AHNAK: variants seen among roughly 807,000 people sequenced by gnomAD.
The protein encoded by AHNAK is neuroblast differentiation-associated protein AHNAK.
Under a neutral mutation model 37.8 loss-of-function variants are expected in AHNAK, and 23 were observed. That is an observed-to-expected ratio of 0.61 (90% CI 0.44 to 0.86). The LOEUF (loss-of-function observed/expected upper bound fraction) is 0.86. Ranked by LOEUF, AHNAK falls within the 40% of genes least tolerant of loss-of-function variation. AHNAK has a pLI of 0.00. For missense variants in AHNAK, 7,411 were observed against 7,319.4 expected (o/e 1.01, Z -0.46); for synonymous variants, 2,481 against 2,636.3 (o/e 0.94, Z 1.80).
chr11:62,528,844 G>A lies in AHNAK; in HGVS notation c.5573C>T (p.Pro1858Leu). The part of the protein sequence containing the change: ...MHFKAPKISM[P>L]DVDLHLKGPK... ...GCCTTTCAGGTGTAAGTCCACATCA[G>A]GCATGGAGATCTTGGGGGCCTTGAA... Residue 1858 changes from proline to leucine, a missense_variant, in exon 5 of 5, where the codon CCT becomes CTT. Coordinates refer to ENST00000378024, the MANE Select transcript of AHNAK (RefSeq NM_001620.3). The A allele has an allele frequency of 6.2e-7, 1 of 1,613,106 alleles. No homozygotes were observed. Among genetic ancestry groups the A allele is most frequent in the Non-Finnish European group, 8.5e-7 (1 of 1,179,766 alleles).
rs749984738 is a variant in AHNAK at position 62,528,811 on chromosome 11, A to T, written c.5606T>A (p.Val1869Asp). ...DVDLHLKGPK[V>D]KGDADVSVPK... is the part of the protein sequence containing the mutation. ...CACCGACACATCCGCATCCCCTTTG[A>T]CTTTGGGGCCTTTCAGGTGTAAGTC... Residue 1869 changes from valine to aspartate, a missense_variant, in exon 5 of 5, where the codon GTC becomes GAC. Val to Asp is a radical substitution (Grantham distance 152, BLOSUM62 -3). Transcript: ENST00000378024. The T allele has an allele frequency of 7.4e-6, 12 of 1,611,414 alleles. No homozygotes were observed. The highest frequency in any genetic ancestry group is 1.7e-5 in the Admixed American group (1 of 59,532).
chr11:62,484,523 A>G (rs1019667089), intron 5 of AHNAK, among the ~76,000 whole-genome samples: 5 of 152,200 alleles, frequency 3.3e-5, no homozygotes, highest in African/African-American at 1.2e-4. Flanking sequence ...GGGGAAGAAC[A>G]TTCCAAGCAT....
intron 5 of AHNAK, among the ~76,000 whole-genome samples, chr11:62,435,556 G>A (rs1404690023): frequency 5.9e-5 from 9 of 152,102 alleles, no homozygotes; most frequent in African/African-American, 2.2e-4. Flanking sequence ...GGGACTACAG[G>A]CGCCCGTCAC....
At chr11:62,466,180 A>C (rs1938908561) in intron 5 of AHNAK, among the ~76,000 whole-genome samples, 1 of 151,898 alleles carries the variant, frequency 6.6e-6, no homozygotes, top group East Asian at 1.9e-4. Context: ...ATTAGCTAAG[A>C]ATGGTGGCAC....
rs1325633285 is a variant in AHNAK, at chr11:62,520,625, C to A, written c.13792G>T (p.Val4598Phe). Reference sequence around the variant, plus strand: ...TTTGGACCTTTCAGATTCAGGTCAACTTCAGGCATAGAGATCTTCGGTGCC... The same window carrying A: ...TTTGGACCTTTCAGATTCAGGTCAAATTCAGGCATAGAGATCTTCGGTGCC... ...LKAPKISMPE[V>F]DLNLKGPKVK... Residue 4598 changes from valine (V) to phenylalanine (F), a missense_variant, in exon 5 of 5, where the codon GTT becomes TTT. Physicochemically the swap from Val to Phe is conservative, Grantham distance 50. Coordinates refer to ENST00000378024, the MANE Select transcript of AHNAK (RefSeq NM_001620.3). The A allele has an allele frequency of 6.2e-7, 1 of 1,613,982 alleles. No homozygotes were observed. Among genetic ancestry groups the A allele is most frequent in the Non-Finnish European group, 8.5e-7 (1 of 1,179,992 alleles).
chr11:62,465,362 C>G (rs146691969), intron 5 of AHNAK, among the ~76,000 whole-genome samples: 2 of 152,186 alleles, frequency 1.3e-5, no homozygotes, highest in Admixed American at 1.3e-4. Context: ...CGCCTGTAAT[C>G]CCAGCACTTT....
At chr11:62,536,959 A>ATT (rs112312117) in intron 1 of AHNAK, among the ~76,000 whole-genome samples, 2 of 144,818 alleles carry the variant, frequency 1.4e-5, no homozygotes, top group Non-Finnish European at 1.5e-5. Flanking sequence ...TATTTTATTT[A>ATT]TTTTTTTTTT....
At chr11:62,434,282 A>G (rs954452906) in intron 5 of AHNAK, among the ~76,000 whole-genome samples, 4 of 152,092 alleles carry the variant, frequency 2.6e-5, no homozygotes, top group South Asian at 2.1e-4. Context: ...GCCATTAAGA[A>G]ATCCCTTTCA....
At position 62,520,726 on chromosome 11, in the gene AHNAK, G is replaced by A; in HGVS notation, c.13691C>T (p.Thr4564Ile). Residue 4564 changes from threonine to isoleucine, a missense_variant, in exon 5 of 5, where the codon ACT becomes ATT. Transcript: ENST00000378024. The part of the protein sequence containing the change: ...DVKGPKVGID[T>I]PDIDIHGPEG... ...TGGACCATGAATGTCAATATCAGGA[G>A]TGTCAATGCCCACTTTAGGGCCTTT... 1 of 1,614,134 alleles carries A rather than the reference G, an allele frequency of 6.2e-7. No homozygotes were observed. Among genetic ancestry groups the A allele is most frequent in the Non-Finnish European group, 8.5e-7 (1 of 1,180,026 alleles).
chr11:62,531,836 T>C lies in AHNAK; in HGVS notation c.2581A>G (p.Ile861Val). ...TGAACCTCCACATCTGGGACATCAA[T>C]GTCCATTTTGGCACTTTTAAGTTCA... Reference protein sequence around the residue: ...DVELKSAKMDIDVPDVEVQGP... With the variant: ...DVELKSAKMDVDVPDVEVQGP... The change falls in exon 5 of 5, where the codon ATT (isoleucine) becomes GTT (valine). Residue 861 changes from isoleucine to valine, a missense_variant. Coordinates refer to ENST00000378024, the MANE Select transcript of AHNAK (RefSeq NM_001620.3). The C allele has an allele frequency of 1.2e-6, 2 of 1,613,730 alleles. No homozygotes were observed. Among genetic ancestry groups the C allele is most frequent in the Non-Finnish European group, 1.7e-6 (2 of 1,179,946 alleles).
chr11:62,528,885 C>T lies in AHNAK; in HGVS notation c.5532G>A (p.Lys1844=), dbSNP rs1045545452. ...GGGCCTTGAAGTGCATCTCAGGCAT[C>T]TTAAACTTGGGCCCTTTCAACTTTG... is the stretch of plus-strand genomic sequence containing the variant. ...PDAKLKGPKF[K]MPEMHFKAPK... The change falls in exon 5 of 5, where the codon AAG becomes AAA. Residue 1844 remains lysine (K), a synonymous_variant. Coordinates refer to ENST00000378024, the MANE Select transcript of AHNAK (RefSeq NM_001620.3). 3.1e-6 allele frequency: 5 copies of T among 1,613,922 alleles called. No homozygotes were observed. Among genetic ancestry groups the T allele is most frequent in the Non-Finnish European group, 4.2e-6 (5 of 1,180,014 alleles).
chr11:62,435,875 A>G (rs1938158128), intron 5 of AHNAK, among the ~76,000 whole-genome samples: 1 of 152,076 alleles, frequency 6.6e-6, no homozygotes, highest in African/African-American at 2.4e-5. Context: ...CTTTTATTGC[A>G]CACTTGCTAT....
chr11:62,544,152 C>G (rs1167723308), intron 1 of AHNAK, among the ~76,000 whole-genome samples: 2 of 152,266 alleles, frequency 1.3e-5, no homozygotes, highest in African/African-American at 2.4e-5. Flanking sequence ...AAGAATCCAG[C>G]CTGGCAGCAC....
chr11:62,527,715 A>G lies in AHNAK; in HGVS notation c.6702T>C (p.Val2234=). 6.2e-7 allele frequency: 1 copy of G among 1,614,032 alleles called. No individual in the cohort carries two copies. The highest frequency in any genetic ancestry group is 8.5e-7 in the Non-Finnish European group (1 of 1,180,002). ...TCTTCAGGTGCCAGTCTGGGCCATGAACATCCACATCTGGGGCATCAATGT... is the reference window on the plus strand; with the variant it reads ...TCTTCAGGTGCCAGTCTGGGCCATGGACATCCACATCTGGGGCATCAATGT... ...KVDIDAPDVD[V]HGPDWHLKMP... Residue 2234 remains valine, a synonymous_variant, in exon 5 of 5, where the codon GTT becomes GTC. Transcript: ENST00000378024.
chr11:62,458,192 A>G (rs1938709003), intron 5 of AHNAK, among the ~76,000 whole-genome samples: 1 of 152,178 alleles, frequency 6.6e-6, no homozygotes, highest in South Asian at 2.1e-4. Context: ...TGCTGGGATT[A>G]TAGGCGTGAG....
At chr11:62,515,894 A>C (rs750158447), downstream of AHNAK, 22 of 1,134,268 alleles carry the variant, frequency 1.9e-5, no homozygotes, top group Non-Finnish European at 2.4e-5. Context: ...ATGCAAAGGC[A>C]CAAGACATCA....
intron 5 of AHNAK, among the ~76,000 whole-genome samples, chr11:62,457,976 C>T (rs902076180): frequency 8.8e-5 from 13 of 148,244 alleles, no homozygotes; most frequent in East Asian, 6.1e-4. Context: ...CGCAGTGGCG[C>T]GATCTCAGCT....
In AHNAK at chr11:62,529,928, G is replaced by A. The variant is rs1334293071; in HGVS notation, c.4489C>T (p.Pro1497Ser). 3 of 1,612,722 alleles carry A rather than the reference G, an allele frequency of 1.9e-6. No individual in the cohort carries two copies. The highest frequency in any genetic ancestry group is 1.3e-5 in the African/African-American group (1 of 74,462). ...TCTGGGCCATGAACCTCCACATCTG[G>A]TGCATTAATATCAACTTTGGGGCCT... ...IKGPKVDINA[P>S]DVEVHGPDWH... is the part of the protein sequence containing the mutation. Residue 1497 changes from proline (P) to serine (S), a missense_variant, in exon 5 of 5, where the codon CCA becomes TCA. By Grantham distance (74) the Pro-to-Ser change is moderately conservative. Transcript: ENST00000378024.
chr11:62,497,496 CA>C lies in AHNAK; in HGVS notation c.343-5666del, dbSNP rs1939631765. Among the ~76,000 whole-genome samples, 4 of 152,192 alleles carry C rather than the reference CA, an allele frequency of 2.6e-5. No individual in the cohort carries two copies. The South Asian group carries it at 8.3e-4, about 32-fold the overall frequency. On this transcript the variant is annotated intron_variant, in intron 4 of 5. Coordinates refer to the AHNAK transcript ENST00000257247. ...AAAAGTGATACACAACCATTCCTAT[CA>C]AAAAAGGTGGAGACATGATTACGCC...
Sources: allele counts gnomAD v4.1 joint callset (sites outside exome capture counted in the v4.1 genomes callset), GRCh38; gene constraint gnomAD v4.1.1; transcripts MANE v1.5; gene names NCBI Gene and HGNC (gene_info 2026-07-23, HGNC 2026-07-21).